AUTS2: variants seen among roughly 807,000 people sequenced by gnomAD.
The protein encoded by AUTS2 is activator of transcription and developmental regulator AUTS2.
AUTS2 carries 17 observed loss-of-function variants against 112.4 expected under a neutral mutation model. The observed-to-expected ratio is 0.15, with a 90% CI of 0.10 to 0.23. The LOEUF (loss-of-function observed/expected upper bound fraction) is 0.23, where lower values mean the gene tolerates loss of function less well. AUTS2 is among the 10% of genes least tolerant of loss of function. The probability of loss-of-function intolerance (pLI) is 1.00; values close to 1 mark genes in which losing one functional copy is unlikely to be tolerated. For missense variants in AUTS2, 1,510 were observed against 1,701.6 expected, an observed-to-expected ratio of 0.89 and a Z score of 1.98; for synonymous variants, 751 against 702.7, an observed-to-expected ratio of 1.07 and a Z score of -1.09.
intron 1 of AUTS2, among the ~76,000 whole-genome samples, chr7:69,762,475 T>C (rs1207021754): frequency 1.3e-5 from 2 of 151,866 alleles, no homozygotes; most frequent in Non-Finnish European, 2.9e-5. Flanking sequence ...CCTGGCTAAT[T>C]TTTTTGTGTT....
chr7:69,760,977 T>C (rs1788162657), intron 1 of AUTS2, among the ~76,000 whole-genome samples: 1 of 152,216 alleles, frequency 6.6e-6, no homozygotes, highest in African/African-American at 2.4e-5. Context: ...CCAGAGGAGA[T>C]GGTTGCAAAC....
chr7:69,689,716 C>T (rs1047153759), intron 1 of AUTS2, among the ~76,000 whole-genome samples: 10 of 149,994 alleles, frequency 6.7e-5, no homozygotes, highest in Non-Finnish European at 1.2e-4. Flanking sequence ...CTCTCTCTGT[C>T]GGCCAGGCTG....
At chr7:70,359,013 G>T (rs1186187023) in intron 4 of AUTS2, among the ~76,000 whole-genome samples, 1 of 152,168 alleles carries the variant, frequency 6.6e-6, no homozygotes, top group Admixed American at 6.5e-5. Context: ...TGCATTTTGT[G>T]TAAGAAGTCT....
At chr7:70,750,754 C>G (rs1053862561) in intron 6 of AUTS2, among the ~76,000 whole-genome samples, 1 of 152,230 alleles carries the variant, frequency 6.6e-6, no homozygotes, top group Non-Finnish European at 1.5e-5. Flanking sequence ...AGCCTCTTTT[C>G]TAAATGGGTC....
chr7:70,693,558 C>T (rs1169121305), intron 5 of AUTS2, among the ~76,000 whole-genome samples: 1 of 152,224 alleles, frequency 6.6e-6, no homozygotes, highest in Non-Finnish European at 1.5e-5. Flanking sequence ...AGGTGAAGAC[C>T]TTTGTGTCTG....
At chr7:69,713,079 TTGAG>T (rs1798408682) in intron 1 of AUTS2, among the ~76,000 whole-genome samples, 2 of 152,218 alleles carry the variant, frequency 1.3e-5, no homozygotes, top group South Asian at 4.1e-4. Flanking sequence ...TGTTTTCTTA[TTGAG>T]TTTCAAGAGC....
chr7:70,369,718 GAA>G (rs1189543511), intron 4 of AUTS2, among the ~76,000 whole-genome samples: 1 of 152,170 alleles, frequency 6.6e-6, no homozygotes, highest in Admixed American at 6.5e-5. Flanking sequence ...TTGCATGAGA[GAA>G]TGGCATTGTG....
chr7:70,148,375 A>G (rs1807248070), intron 4 of AUTS2, among the ~76,000 whole-genome samples: 1 of 152,178 alleles, frequency 6.6e-6, no homozygotes, highest in South Asian at 2.1e-4. Flanking sequence ...GAACACTGAC[A>G]TAAGACCAAC....
intron 5 of AUTS2, among the ~76,000 whole-genome samples, chr7:70,523,754 G>A (rs1393997639): frequency 6.6e-6 from 1 of 152,184 alleles, no homozygotes. Context: ...AAAGTACAAC[G>A]CACCGTGCCC....
At chr7:69,629,398 A>G (rs1331200680) in intron 1 of AUTS2, among the ~76,000 whole-genome samples, 1 of 152,210 alleles carries the variant, frequency 6.6e-6, no homozygotes, top group Non-Finnish European at 1.5e-5. Flanking sequence ...CTCTCAGCCA[A>G]CGGAGGTGGG....
At chr7:69,802,472 T>G (rs1285145073) in intron 1 of AUTS2, among the ~76,000 whole-genome samples, 1 of 152,202 alleles carries the variant, frequency 6.6e-6, no homozygotes, top group Admixed American at 6.5e-5. Flanking sequence ...TCTGTCTACT[T>G]CTGTCTCCTT....
intron 4 of AUTS2, among the ~76,000 whole-genome samples, chr7:70,143,563 C>T (rs900825300): frequency 2.0e-5 from 3 of 152,216 alleles, no homozygotes; most frequent in African/African-American, 7.2e-5. Flanking sequence ...TCGCTAACAG[C>T]CATGTCAAAG....
At chr7:70,789,559 T>C (rs1791737600) in intron 18 of AUTS2, among the ~76,000 whole-genome samples, 189 bp from the exon 19 acceptor site, 1 of 152,080 alleles carries the variant, frequency 6.6e-6, no homozygotes, top group Admixed American at 6.5e-5. Flanking sequence ...AAGCTTCCTC[T>C]AAAATCTAGG....
At chr7:70,780,361 A>G (rs537024183) in intron 14 of AUTS2, among the ~76,000 whole-genome samples, 1 of 152,334 alleles carries the variant, frequency 6.6e-6, no homozygotes, top group African/African-American at 2.4e-5. Flanking sequence ...GCCTGAGGAT[A>G]GATAAATAAG....
intron 1 of AUTS2, among the ~76,000 whole-genome samples, chr7:69,757,619 A>T (rs1029901113): frequency 4.6e-5 from 7 of 152,108 alleles, no homozygotes; most frequent in African/African-American, 1.7e-4. Flanking sequence ...TTTTGATTTT[A>T]GTGTGTTTTA....
chr7:69,604,845 A>G (rs1011822616), intron 1 of AUTS2, among the ~76,000 whole-genome samples: 3 of 152,218 alleles, frequency 2.0e-5, no homozygotes, highest in Non-Finnish European at 4.4e-5. Flanking sequence ...TTTATCCATT[A>G]GTGGAGAGGT....
intron 5 of AUTS2, among the ~76,000 whole-genome samples, chr7:70,649,927 G>A (rs1451904459): frequency 1.3e-5 from 2 of 152,164 alleles, no homozygotes; most frequent in African/African-American, 4.8e-5. Context: ...TTCTTAGAAT[G>A]TGGACAGCCA....
chr7:70,345,014 AGAG>A (rs1282842005), intron 4 of AUTS2, among the ~76,000 whole-genome samples: 4 of 152,218 alleles, frequency 2.6e-5, no homozygotes, highest in African/African-American at 9.6e-5. Context: ...CCTTTGACTC[AGAG>A]AAGTTTGGAA....
intron 6 of AUTS2, among the ~76,000 whole-genome samples, chr7:70,748,410 T>C (rs568115694): frequency 6.6e-6 from 1 of 152,318 alleles, no homozygotes; most frequent in East Asian, 1.9e-4. Flanking sequence ...AGCAGAATGC[T>C]CCCTGTCACC....
Sources: allele counts gnomAD v4.1 joint callset (sites outside exome capture counted in the v4.1 genomes callset), GRCh38; gene constraint gnomAD v4.1.1; transcripts MANE v1.5; gene names NCBI Gene and HGNC (gene_info 2026-07-23, HGNC 2026-07-21).